THSD4: variants seen among roughly 807,000 people sequenced by gnomAD.
THSD4 encodes thrombospondin type 1 domain containing 4.
Under a neutral mutation model 119.0 loss-of-function variants are expected in THSD4, and 69 were observed. The observed-to-expected ratio is 0.58, with a 90% CI of 0.48 to 0.71. THSD4 has a LOEUF of 0.71. Among genes scored for constraint, THSD4 ranks in the 30% least tolerant of loss-of-function variants. The pLI is 0.00. For missense variants in THSD4, 1,393 were observed against 1,391.1 expected (o/e 1.00, Z -0.02); for synonymous variants, 524 against 540.4 (o/e 0.97, Z 0.42).
At chr15:71,129,930 A>G (rs1415206486) in intron 1 of THSD4, among the ~76,000 whole-genome samples, 2 of 152,174 alleles carry the variant, frequency 1.3e-5, no homozygotes, top group Non-Finnish European at 2.9e-5. Context: ...TGGTTGGCTG[A>G]TTTATGGTGG....
chr15:71,591,162 C>T (rs1158434638), intron 7 of THSD4, among the ~76,000 whole-genome samples: 3 of 152,028 alleles, frequency 2.0e-5, no homozygotes, highest in South Asian at 2.1e-4. Flanking sequence ...TTCCTCTTAC[C>T]TATTGTCACA....
chr15:71,442,200 C>T (rs1159480712), intron 7 of THSD4, among the ~76,000 whole-genome samples: 4 of 151,688 alleles, frequency 2.6e-5, no homozygotes, highest in African/African-American at 9.7e-5. Flanking sequence ...CCTCGTGATC[C>T]ACCCACCTCA....
At chr15:71,467,642 G>T (rs1566994733) in intron 7 of THSD4, among the ~76,000 whole-genome samples, 1 of 152,108 alleles carries the variant, frequency 6.6e-6, no homozygotes, top group African/African-American at 2.4e-5. Context: ...TCCTTCCTGG[G>T]TGTGATGACT....
At chr15:71,272,764 T>C (rs2044547099) in intron 6 of THSD4, among the ~76,000 whole-genome samples, 1 of 151,924 alleles carries the variant, frequency 6.6e-6, no homozygotes, top group Non-Finnish European at 1.5e-5. Flanking sequence ...CTCAGGAGGC[T>C]GAGGCAGGAG....
intron 7 of THSD4, among the ~76,000 whole-genome samples, chr15:71,622,479 G>T (rs1462117926): frequency 2.0e-5 from 3 of 152,146 alleles, no homozygotes; most frequent in African/African-American, 4.8e-5. Context: ...TCCCAAATCT[G>T]GAAGCCAGTT....
intron 7 of THSD4, among the ~76,000 whole-genome samples, chr15:71,611,784 C>A (rs751029407): frequency 6.6e-6 from 1 of 152,210 alleles, no homozygotes; most frequent in African/African-American, 2.4e-5. Context: ...GAGCCTACAG[C>A]ATGGGTGAAA....
chr15:71,499,368 C>T (rs1428415126), intron 7 of THSD4, among the ~76,000 whole-genome samples: 1 of 152,068 alleles, frequency 6.6e-6, no homozygotes, highest in African/African-American at 2.4e-5. Context: ...CACATATTTT[C>T]CCTAGCACAT....
chr15:71,199,893 ATGTGTGTGTGGTGCATGTGTGGGGTG>A (rs2043783316), intron 3 of THSD4, among the ~76,000 whole-genome samples: 1 of 29,820 alleles, frequency 3.4e-5, no homozygotes, highest in Non-Finnish European at 1.2e-4. Flanking sequence ...CATGTGTGGT[ATGTGTGTGTGGTGCATGTGTGGGGTG>A]TGTGTGTGTG....
intron 6 of THSD4, among the ~76,000 whole-genome samples, chr15:71,279,820 G>A (rs1046909488): frequency 6.6e-6 from 1 of 152,022 alleles, no homozygotes; most frequent in Non-Finnish European, 1.5e-5. Flanking sequence ...ACAACATGTT[G>A]GCATTGATTC....
In THSD4 at chr15:71,414,719, T is replaced by C. The variant is rs150143290; in HGVS notation, c.1152+2896T>C. 2.0e-3 allele frequency among the ~76,000 whole-genome samples: 302 copies of C among 152,342 alleles called. 2 individuals are homozygous for C. The highest frequency in any genetic ancestry group is 0.01 in the Middle Eastern group (3 of 294). ...TTATAAGGACATGGGTATGGATTCT[T>C]ACTAATTGATGAAAAACATTCAAAC... On this transcript the variant is annotated intron_variant, in intron 7 of 17. Transcript: ENST00000261862.
chr15:71,413,177 A>G (rs28647432), intron 7 of THSD4, among the ~76,000 whole-genome samples: 3,975 of 152,056 alleles, frequency 0.026, 166 homozygotes, highest in African/African-American at 0.086. Context: ...ATGCCCAACT[A>G]ATTTTTTGTA....
intron 3 of THSD4, among the ~76,000 whole-genome samples, chr15:71,199,491 G>A (rs1189351357): frequency 6.8e-6 from 1 of 146,106 alleles, no homozygotes; most frequent in Admixed American, 6.8e-5. Flanking sequence ...TGTGTGGGGT[G>A]TGTGTGGTGT....
intron 7 of THSD4, among the ~76,000 whole-genome samples, chr15:71,596,458 G>T (rs61158141): frequency 6.6e-6 from 1 of 152,116 alleles, no homozygotes. Flanking sequence ...CTTCCAGAAG[G>T]TTCTGTGAAA....
At chr15:71,330,524 A>C (rs11854933) in intron 6 of THSD4, among the ~76,000 whole-genome samples, 1 of 151,986 alleles carries the variant, frequency 6.6e-6, no homozygotes, top group African/African-American at 2.4e-5. Context: ...GCCATTCTGA[A>C]CTTCAGTTTC....
At chr15:71,307,387 A>T (rs1005799364) in intron 6 of THSD4, among the ~76,000 whole-genome samples, 1 of 152,200 alleles carries the variant, frequency 6.6e-6, no homozygotes, top group Admixed American at 6.5e-5. Context: ...TGGATGTGCC[A>T]GCATACTGAA....
At chr15:71,624,944 C>T (rs561810117) in intron 7 of THSD4, among the ~76,000 whole-genome samples, 139 of 152,240 alleles carry the variant, frequency 9.1e-4, no homozygotes, top group Middle Eastern at 3.4e-3. Flanking sequence ...GGGATGGGAT[C>T]CAGGCATACT....
chr15:71,555,226 G>C (rs1175284767), intron 7 of THSD4, among the ~76,000 whole-genome samples: 1 of 152,180 alleles, frequency 6.6e-6, no homozygotes. Context: ...GTTAATGTCA[G>C]ATTGCTTTCC....
chr15:71,493,822 A>G (rs1231447038), intron 7 of THSD4, among the ~76,000 whole-genome samples: 1 of 152,230 alleles, frequency 6.6e-6, no homozygotes, highest in African/African-American at 2.4e-5. Context: ...TTGTGAGGGA[A>G]GGGCTATTGC....
At chr15:71,662,550 G>A (rs928276983) in intron 8 of THSD4, among the ~76,000 whole-genome samples, 21 of 152,120 alleles carry the variant, frequency 1.4e-4, no homozygotes, top group Non-Finnish European at 2.1e-4. Flanking sequence ...CAGATGTACC[G>A]GCAAACAATG....
Sources: gnomAD v4.1 joint callset for allele counts (sites outside exome capture counted in the v4.1 genomes callset) on GRCh38, gnomAD v4.1.1 for gene constraint, MANE v1.5 for transcripts, NCBI Gene and HGNC (gene_info 2026-07-23, HGNC 2026-07-21) for gene names.